Variants in PRSS3 observed in about 807,000 individuals in gnomAD.
PRSS3 encodes serine protease 3, also known as trypsin-3.
In PRSS3, 14 loss-of-function variants were observed where a neutral mutation model predicts 20.8. That is an observed-to-expected ratio of 0.67 (90% CI 0.44 to 1.05). The LOEUF (loss-of-function observed/expected upper bound fraction) is 1.05. PRSS3 is among the 50% of genes least tolerant of loss of function. The pLI is 0.00. For missense variants in PRSS3, 237 were observed against 306.4 expected, an observed-to-expected ratio of 0.77 and a Z score of 1.69; for synonymous variants, 91 against 117.6, an observed-to-expected ratio of 0.77 and a Z score of 1.46.
intron 1 of PRSS3, chr9:33,786,487 C>T: frequency 1.4e-6 from 1 of 738,048 alleles, no homozygotes; most frequent in East Asian, 2.4e-5. Context: ...CCCGTCTGAC[C>T]CCAAGCTTGT....
intron 1 of PRSS3, among the ~76,000 whole-genome samples, chr9:33,784,757 G>A (rs1824317872): frequency 6.6e-6 from 1 of 152,148 alleles, no homozygotes. Flanking sequence ...TCTTTAGAGT[G>A]TTAGGCCTAT....
At chr9:33,786,588 C>A in intron 1 of PRSS3, 2 of 766,368 alleles carry the variant, frequency 2.6e-6, no homozygotes, top group Non-Finnish European at 4.8e-6. Context: ...CAACGTGGAA[C>A]CTCCATGATG....
chr9:33,756,957 T>C (rs933075261), intron 1 of PRSS3, among the ~76,000 whole-genome samples: 2 of 152,222 alleles, frequency 1.3e-5, no homozygotes. Flanking sequence ...GCTGGCTTCA[T>C]TGTAGGGTGG....
chr9:33,755,220 A>G (rs551918668), intron 1 of PRSS3, among the ~76,000 whole-genome samples: 1 of 152,272 alleles, frequency 6.6e-6, no homozygotes, highest in East Asian at 1.9e-4. Flanking sequence ...TATTTCCGTT[A>G]GCTTTTTGCC....
At chr9:33,756,692 C>A (rs749623667) in intron 1 of PRSS3, among the ~76,000 whole-genome samples, 10 of 152,104 alleles carry the variant, frequency 6.6e-5, no homozygotes, top group Non-Finnish European at 1.2e-4. Flanking sequence ...CTTTTATTGG[C>A]GAGAGGTGTG....
At chr9:33,779,297 G>A (rs1824075708) in intron 1 of PRSS3, among the ~76,000 whole-genome samples, 1 of 152,214 alleles carries the variant, frequency 6.6e-6, no homozygotes, top group African/African-American at 2.4e-5. Flanking sequence ...GAAGCTCATT[G>A]AGATTCAGAA....
intron 1 of PRSS3, among the ~76,000 whole-genome samples, chr9:33,755,247 T>C (rs140884937): frequency 3.3e-5 from 5 of 152,344 alleles, no homozygotes; most frequent in African/African-American, 1.2e-4. Flanking sequence ...CTCTTGAGGA[T>C]ATTACTTTAT....
At chr9:33,793,114 G>A (rs554976825), upstream of PRSS3, among the ~76,000 whole-genome samples, 485 of 152,324 alleles carry the variant, frequency 3.2e-3, 3 homozygotes, top group African/African-American at 0.011. Context: ...AAGGAAGAGC[G>A]CAAAATACTG....
At chr9:33,755,237 C>T (rs112763589) in intron 1 of PRSS3, among the ~76,000 whole-genome samples, 10 of 152,198 alleles carry the variant, frequency 6.6e-5, no homozygotes, top group African/African-American at 2.4e-4. Flanking sequence ...TGCCTCACTC[C>T]TCTTGAGGAT....
intron 1 of PRSS3, among the ~76,000 whole-genome samples, chr9:33,775,499 G>A (rs1259787627): frequency 6.6e-6 from 1 of 152,178 alleles, no homozygotes. Context: ...TTAACAGGCG[G>A]ATTCTGGAAA....
intron 1 of PRSS3, among the ~76,000 whole-genome samples, chr9:33,761,550 T>G (rs562863438): frequency 6.6e-6 from 1 of 151,838 alleles, no homozygotes; most frequent in Admixed American, 6.6e-5. Flanking sequence ...CTACTAAAAT[T>G]ACAAAATTAG....
chr9:33,798,597 T>C lies in PRSS3; in HGVS notation c.566T>C (p.Leu189Pro). ...ITNSMFCVGF[L>P]EGGKDSCQRD... ...AACAGCATGTTCTGTGTGGGCTTCCTTGAGGGAGGCAAGGATTCCTGCCAG... is the reference window on the plus strand; with the variant it reads ...AACAGCATGTTCTGTGTGGGCTTCCCTGAGGGAGGCAAGGATTCCTGCCAG... The change falls in exon 4 of 5, where the codon CTT becomes CCT. Residue 189 changes from leucine (L) to proline (P), a missense_variant. Coordinates refer to ENST00000379405, the MANE Select transcript of PRSS3 (RefSeq NM_002771.4). 1 of 1,614,088 alleles carries C rather than the reference T, an allele frequency of 6.2e-7. No individual in the cohort carries two copies. Among genetic ancestry groups the C allele is most frequent in the Admixed American group, 1.7e-5 (1 of 60,028 alleles).
At chr9:33,776,200 C>A (rs1007849215) in intron 1 of PRSS3, among the ~76,000 whole-genome samples, 1 of 152,012 alleles carries the variant, frequency 6.6e-6, no homozygotes, top group African/African-American at 2.4e-5. Flanking sequence ...GTGGAAGAAC[C>A]AGTGAACATG....
At chr9:33,755,774 A>ATGGG (rs1357537366) in intron 1 of PRSS3, among the ~76,000 whole-genome samples, 1 of 152,138 alleles carries the variant, frequency 6.6e-6, no homozygotes, top group Non-Finnish European at 1.5e-5. Flanking sequence ...AAGGAAACTC[A>ATGGG]TGGGGGCCCT....
chr9:33,795,759 G>A (rs767801837), intron 1 of PRSS3, 146 bp downstream of exon 1: 38 of 1,068,536 alleles, frequency 3.6e-5, no homozygotes, highest in Non-Finnish European at 5.2e-5. Flanking sequence ...TCCTCCTTGG[G>A]CTCTCTTTAA....
At chr9:33,764,508 G>A (rs1332979355) in intron 1 of PRSS3, among the ~76,000 whole-genome samples, 1 of 152,166 alleles carries the variant, frequency 6.6e-6, no homozygotes, top group Non-Finnish European at 1.5e-5. Flanking sequence ...ACTCCAGCCT[G>A]GGAGACGAGC....
At chr9:33,775,699 A>C (rs566370365) in intron 1 of PRSS3, among the ~76,000 whole-genome samples, 5 of 139,200 alleles carry the variant, frequency 3.6e-5, no homozygotes, top group African/African-American at 1.3e-4. Context: ...ATGGGCTTGA[A>C]GTTTTTTTTT....
At chr9:33,797,694 A>G in intron 2 of PRSS3, 135 bp from the exon 3 acceptor site, 1 of 1,551,970 alleles carries the variant, frequency 6.4e-7, no homozygotes, top group Non-Finnish European at 8.7e-7. Flanking sequence ...TCTCCTGCCC[A>G]TGCAATATGG....
chr9:33,785,339 G>A (rs1396024479), intron 1 of PRSS3, among the ~76,000 whole-genome samples: 4 of 150,462 alleles, frequency 2.7e-5, no homozygotes, highest in Admixed American at 6.6e-5. Context: ...CACTACGCCC[G>A]GCTAATTTTT....
Sources: gnomAD v4.1 joint callset for allele counts (sites outside exome capture counted in the v4.1 genomes callset) on GRCh38, gnomAD v4.1.1 for gene constraint, MANE v1.5 for transcripts, NCBI Gene and HGNC (gene_info 2026-07-23, HGNC 2026-07-21) for gene names.